NRXN3: variants seen among roughly 807,000 people sequenced by gnomAD.
NRXN3 encodes the protein neurexin III.
Under a neutral mutation model 137.6 loss-of-function variants are expected in NRXN3, and 32 were observed. The ratio of observed to expected loss-of-function variants is 0.23; its 90% confidence interval spans 0.18 to 0.31. The LOEUF is 0.31. Ranked by LOEUF, NRXN3 falls within the 10% of genes least tolerant of loss-of-function variation. The probability of loss-of-function intolerance (pLI) is 1.00; values close to 1 mark genes in which losing one functional copy is unlikely to be tolerated. For synonymous variants in NRXN3, 798 were observed against 784.5 expected (o/e 1.02, Z -0.29); for missense variants, 1,574 against 2,062.5 (o/e 0.76, Z 4.59).
At chr14:78,398,938 T>G (rs8010358) in intron 4 of NRXN3, among the ~76,000 whole-genome samples, 150,598 of 152,252 alleles carry the variant, frequency 0.99, 74,495 homozygotes, top group East Asian at 1. Flanking sequence ...TGAGGGTCTA[T>G]GTTCCTCAGT....
At position 78,381,319 on chromosome 14, in the gene NRXN3, A is replaced by G. The variant is rs1482169905; in HGVS notation, c.757+83459A>G. On this transcript the variant is annotated intron_variant, in intron 4 of 20. Coordinates refer to ENST00000335750, the MANE Select transcript of NRXN3 (RefSeq NM_001330195.2). Reference sequence around the variant, plus strand: ...ATAAAAATTAAAAACTTTTGCTTTAAGAGAATCCCCAATAAGAGGATGAAA... The same window carrying G: ...ATAAAAATTAAAAACTTTTGCTTTAGGAGAATCCCCAATAAGAGGATGAAA... Among the ~76,000 whole-genome samples the G allele has an allele frequency of 2.6e-5, 4 of 152,358 alleles. No homozygotes were observed. In the South Asian group the frequency reaches 8.3e-4, roughly 32 times the overall value.
chr14:79,280,983 G>A (rs1359108530), intron 15 of NRXN3: 1 of 167,634 alleles, frequency 6.0e-6, no homozygotes, highest in Non-Finnish European at 1.3e-5. Context: ...ACAGGAATCA[G>A]GTTTTCAGCC....
chr14:78,239,652 C>T (rs1205251538), intron 1 of NRXN3, among the ~76,000 whole-genome samples: 1 of 152,136 alleles, frequency 6.6e-6, no homozygotes, highest in Non-Finnish European at 1.5e-5. Flanking sequence ...AACATTCTTC[C>T]CAGATACTTA....
chr14:79,114,480 T>G (rs1281001670), intron 15 of NRXN3, among the ~76,000 whole-genome samples: 1 of 152,160 alleles, frequency 6.6e-6, no homozygotes, highest in Non-Finnish European at 1.5e-5. Context: ...TTAGTCATGT[T>G]TATGTACTCA....
At chr14:79,091,689 T>C (rs960306584) in intron 15 of NRXN3, among the ~76,000 whole-genome samples, 4 of 152,110 alleles carry the variant, frequency 2.6e-5, no homozygotes, top group African/African-American at 4.8e-5. Context: ...AGCCAGGAGA[T>C]ATATGATCAT....
intron 16 of NRXN3, among the ~76,000 whole-genome samples, chr14:79,639,648 G>T (rs767582754): frequency 6.6e-6 from 1 of 152,046 alleles, no homozygotes; most frequent in Non-Finnish European, 1.5e-5. Flanking sequence ...ACTTTTTTTC[G>T]CTGTAGAAGA....
At chr14:78,777,353 T>C (rs999656948) in intron 8 of NRXN3, among the ~76,000 whole-genome samples, 1 of 152,230 alleles carries the variant, frequency 6.6e-6, no homozygotes, top group Non-Finnish European at 1.5e-5. Flanking sequence ...TGCCATTTTC[T>C]TGGGGGCTCC....
chr14:79,613,316 C>T (rs1169012676), intron 16 of NRXN3, among the ~76,000 whole-genome samples: 1 of 152,186 alleles, frequency 6.6e-6, no homozygotes, highest in Non-Finnish European at 1.5e-5. Flanking sequence ...TTTATGTTAT[C>T]GTTGTTACAG....
At chr14:78,451,830 C>G (rs938156344) in intron 4 of NRXN3, among the ~76,000 whole-genome samples, 3 of 152,232 alleles carry the variant, frequency 2.0e-5, no homozygotes, top group Admixed American at 6.5e-5. Flanking sequence ...TCTGGCCATT[C>G]TTCAGACCAG....
At chr14:79,536,289 A>G (rs977320) in intron 16 of NRXN3, among the ~76,000 whole-genome samples, 133,246 of 152,112 alleles carry the variant, frequency 0.88, 58,402 homozygotes, top group East Asian at 0.92. Context: ...CCATGATTAC[A>G]TCATTGCACC....
intron 19 of NRXN3, among the ~76,000 whole-genome samples, chr14:79,762,561 C>A (rs1355372897): frequency 6.6e-6 from 1 of 150,968 alleles, no homozygotes; most frequent in African/African-American, 2.5e-5. Flanking sequence ...AGACTGAGTT[C>A]ATATGTCCAT....
At chr14:78,210,920 C>T (rs2062682981) in intron 1 of NRXN3, among the ~76,000 whole-genome samples, 1 of 152,216 alleles carries the variant, frequency 6.6e-6, no homozygotes, top group East Asian at 1.9e-4. Context: ...TCCAGGCTGC[C>T]TGGTTAGAGT....
At chr14:79,376,260 A>ATATATG (rs1599388457) in intron 15 of NRXN3, among the ~76,000 whole-genome samples, 4 of 72,574 alleles carry the variant, frequency 5.5e-5, no homozygotes, top group South Asian at 4.3e-4. Context: ...ATATATATAT[A>ATATATG]TATATACACA....
At chr14:78,548,562 G>A (rs2096657605) in intron 4 of NRXN3, among the ~76,000 whole-genome samples, 1 of 152,152 alleles carries the variant, frequency 6.6e-6, no homozygotes, top group Non-Finnish European at 1.5e-5. Flanking sequence ...GCTTTTAAGA[G>A]GATAAATCTA....
At chr14:79,165,640 T>C (rs1366349362) in intron 15 of NRXN3, among the ~76,000 whole-genome samples, 1 of 152,010 alleles carries the variant, frequency 6.6e-6, no homozygotes, top group Non-Finnish European at 1.5e-5. Context: ...TGAAGAGAGA[T>C]GACTGCTTTT....
At chr14:79,260,640 T>C (rs970543888) in intron 15 of NRXN3, among the ~76,000 whole-genome samples, 1 of 152,148 alleles carries the variant, frequency 6.6e-6, no homozygotes, top group Non-Finnish European at 1.5e-5. Flanking sequence ...AATATCATAG[T>C]CACACCACCA....
At chr14:79,426,977 A>G (rs2095663246) in intron 15 of NRXN3, among the ~76,000 whole-genome samples, 1 of 152,308 alleles carries the variant, frequency 6.6e-6, no homozygotes, top group South Asian at 2.1e-4. Context: ...TTTTAAAGTG[A>G]CATTGAGCAT....
chr14:79,481,203 G>A (rs961546581), intron 16 of NRXN3, among the ~76,000 whole-genome samples: 3 of 152,142 alleles, frequency 2.0e-5, no homozygotes, highest in Non-Finnish European at 4.4e-5. Flanking sequence ...TTGTGAAAAT[G>A]TGCTATCATA....
intron 20 of NRXN3, among the ~76,000 whole-genome samples, chr14:79,845,330 C>A (rs1468920100): frequency 6.6e-6 from 1 of 152,226 alleles, no homozygotes; most frequent in African/African-American, 2.4e-5. Flanking sequence ...CACAACTCAG[C>A]CAACTGTTTG....
Sources: allele counts gnomAD v4.1 joint callset (sites outside exome capture counted in the v4.1 genomes callset), GRCh38; gene constraint gnomAD v4.1.1; transcripts MANE v1.5; gene names NCBI Gene and HGNC (gene_info 2026-07-23, HGNC 2026-07-21).